AAK1: variants seen among roughly 807,000 people sequenced by gnomAD.
AAK1 encodes the protein AP2 associated kinase 1.
A neutral mutation model predicts 116.0 loss-of-function variants in AAK1; 37 were observed. That is an observed-to-expected ratio of 0.32 (90% confidence interval 0.25 to 0.42). The LOEUF is 0.42. Ranked by LOEUF, AAK1 falls within the 10% of genes least tolerant of loss-of-function variation. The pLI, the probability that AAK1 is intolerant of heterozygous loss-of-function variation, is 1.00. For missense variants in AAK1, 919 were observed against 1,170.6 expected, an observed-to-expected ratio of 0.79 and a Z score of 3.14; for synonymous variants, 458 against 439.9, an observed-to-expected ratio of 1.04 and a Z score of -0.51.
chr2:69,614,460 G>A (rs191422731), intron 2 of AAK1, among the ~76,000 whole-genome samples: 9 of 152,282 alleles, frequency 5.9e-5, no homozygotes, highest in Admixed American at 2.6e-4. Flanking sequence ...AAAGTTTCCC[G>A]AGAGTGGCAG....
chr2:69,471,829 AG>A lies in AAK1; in HGVS notation c.*4039del. 1 of 985,468 alleles carries A rather than the reference AG, an allele frequency of 1.0e-6. No individual in the cohort carries two copies. The highest frequency in any genetic ancestry group is 1.2e-6 in the Non-Finnish European group (1 of 829,932). 61.0% of individuals were successfully genotyped at this position (985,468 alleles called of 1,614,324 possible). On this transcript the variant is annotated 3_prime_UTR_variant, in exon 22 of 22. Coordinates refer to ENST00000409085, the MANE Select transcript of AAK1 (RefSeq NM_014911.5). The stretch of plus-strand genomic sequence containing the variant: ...GGCAGAACTGTTCCTAACCTGGGGA[AG>A]GTTATATTGGTTGATCAATTATCTG...
Position 69,474,929 on chromosome 2 carries a change from A to T in AAK1, c.*940T>A, listed in dbSNP as rs1362796077. ...GATTCAAAATAAAAATCACAAGAAA[A>T]ATACATCTGTTTCTGCTACAATTCC... On this transcript the variant is annotated 3_prime_UTR_variant, in exon 22 of 22. Coordinates refer to ENST00000409085, the MANE Select transcript of AAK1 (RefSeq NM_014911.5). 1.0e-5 allele frequency: 10 copies of T among 985,290 alleles called. No individual in the cohort carries two copies. Among genetic ancestry groups the T allele is most frequent in the Non-Finnish European group, 1.2e-5 (10 of 829,896 alleles). 61.0% of individuals were successfully genotyped at this position (985,290 alleles called of 1,614,324 possible). A position where few individuals can be genotyped will look rare whatever the true frequency, so the allele number is the denominator to read the frequency against.
chr2:69,580,864 T>C (rs1448051775), intron 2 of AAK1, among the ~76,000 whole-genome samples: 1 of 152,196 alleles, frequency 6.6e-6, no homozygotes, highest in Non-Finnish European at 1.5e-5. Context: ...TGTGTGCTTT[T>C]TCTATATTCA....
At chr2:69,638,761 A>G (rs933828337) in intron 2 of AAK1, among the ~76,000 whole-genome samples, 2 of 152,270 alleles carry the variant, frequency 1.3e-5, no homozygotes, top group African/African-American at 4.8e-5. Flanking sequence ...ATTCCTGTTC[A>G]AACTTCATGT....
chr2:69,502,133 T>C (rs1021393994), intron 16 of AAK1, among the ~76,000 whole-genome samples: 3 of 152,164 alleles, frequency 2.0e-5, no homozygotes, highest in South Asian at 2.1e-4. Flanking sequence ...CACAAATACA[T>C]ACAATTAAAA....
At chr2:69,535,576 G>A (rs939076049) in intron 5 of AAK1, among the ~76,000 whole-genome samples, 2 of 152,112 alleles carry the variant, frequency 1.3e-5, no homozygotes, top group Non-Finnish European at 2.9e-5. Flanking sequence ...GAAGACGAAT[G>A]TTATTTTAAA....
Position 69,469,543 on chromosome 2 carries a change from A to T in AAK1, c.*6326T>A. The T allele has an allele frequency of 1.0e-6, 1 of 985,420 alleles. No homozygotes were observed. The highest frequency in any genetic ancestry group is 1.2e-6 in the Non-Finnish European group (1 of 829,936). The allele number at this position is 985,420 out of a possible 1,614,324, so 61.0% of individuals were successfully genotyped here. A position where few individuals can be genotyped will look rare whatever the true frequency, so the allele number is the denominator to read the frequency against. On this transcript the variant is annotated 3_prime_UTR_variant, in exon 22 of 22. Transcript: ENST00000409085. ...GAAGGATTTATACTAACCTAACCAC[A>T]TGCCTTGACCCAGTTCCTTTGGTAA...
chr2:69,615,655 G>A (rs1674293466), intron 2 of AAK1, among the ~76,000 whole-genome samples: 1 of 152,204 alleles, frequency 6.6e-6, no homozygotes, highest in Non-Finnish European at 1.5e-5. Context: ...GAAAGAAAGT[G>A]GAAAGCAAGA....
rs55712143 is a variant in AAK1 at position 69,514,624 on chromosome 2, T to C, written c.1623A>G (p.Gln541=). The part of the protein sequence containing the change: ...FYQQQQQQQQ[Q]QQQQQLATAL... ...CTGTGGCCAGCTGTTGCTGTTGCTG[T>C]TGTTGTTGCTGCTGCTGCTGCTGCT... Residue 541 remains glutamine, a synonymous_variant, in exon 13 of 22, where the codon CAA becomes CAG. Transcript: ENST00000409085. The C allele has an allele frequency of 3.4e-6, 2 of 581,106 alleles. No homozygotes were observed. The highest frequency in any genetic ancestry group is 1.3e-4 in the Admixed American group (2 of 15,512). The allele number at this position is 581,106 out of a possible 1,614,324, so 36.0% of individuals were successfully genotyped here.
intron 2 of AAK1, among the ~76,000 whole-genome samples, chr2:69,580,775 C>G (rs770466077): frequency 2.6e-5 from 4 of 152,182 alleles, no homozygotes; most frequent in Non-Finnish European, 5.9e-5. Flanking sequence ...GATCTCAGCT[C>G]TCCTATCTAT....
chr2:69,497,295 CTTTTTTTTTT>C (rs1176401016), intron 16 of AAK1, among the ~76,000 whole-genome samples: 8 of 76,086 alleles, frequency 1.1e-4, no homozygotes, highest in Middle Eastern at 0.014. Context: ...CATTATCATT[CTTTTTTTTTT>C]TTTTTTTTTT....
intron 5 of AAK1, among the ~76,000 whole-genome samples, chr2:69,542,020 G>A (rs368692831): frequency 1.5e-4 from 23 of 152,292 alleles, no homozygotes; most frequent in African/African-American, 5.3e-4. Context: ...TACATGGCAC[G>A]TAATTGGTGC....
In AAK1 at chr2:69,476,908, A is replaced by G. The variant is rs1409219639; in HGVS notation, c.2763T>C (p.Ile921=). The G allele has an allele frequency of 1.2e-6, 2 of 1,613,532 alleles. No individual in the cohort carries two copies. The highest frequency in any genetic ancestry group is 8.5e-7 in the Non-Finnish European group (1 of 1,179,776). The part of the protein sequence containing the change: ...DKVAEDEFDP[I]PVLITKNPQG... ...GTGGGTTTTTGGTTATCAATACAGG[A>G]ATAGGGTCAAACTCATCTTCAGCCA... Residue 921 remains isoleucine, a synonymous_variant, in exon 21 of 22, where the codon ATT becomes ATC. Coordinates refer to ENST00000409085, the MANE Select transcript of AAK1 (RefSeq NM_014911.5).
intron 2 of AAK1, among the ~76,000 whole-genome samples, chr2:69,609,637 C>T (rs1235209466): frequency 6.6e-6 from 1 of 152,122 alleles, no homozygotes; most frequent in Non-Finnish European, 1.5e-5. Flanking sequence ...GCACCCCAGC[C>T]TGGGTGACAC....
Position 69,548,691 on chromosome 2 carries a change from G to A in AAK1, c.283-4147C>T, listed in dbSNP as rs541828653. ...ACAATCTTGGCTCACTGCAAGCTCT[G>A]CCTCCTGGGTTCAAGTGATTCTCCT... On this transcript the variant is annotated intron_variant, in intron 3 of 21. Coordinates refer to ENST00000409085, the MANE Select transcript of AAK1 (RefSeq NM_014911.5). Among the ~76,000 whole-genome samples, 31 of 151,766 alleles carry A rather than the reference G, an allele frequency of 2.0e-4. No homozygotes were observed. In the East Asian group the frequency reaches 4.5e-3, roughly 22 times the overall value.
chr2:69,619,630 A>C (rs1394281321), intron 2 of AAK1, among the ~76,000 whole-genome samples: 3 of 151,972 alleles, frequency 2.0e-5, no homozygotes, highest in Non-Finnish European at 4.4e-5. Flanking sequence ...AGAGGGAGGG[A>C]GTGCTGCCGG....
At chr2:69,549,266 G>A (rs1301671816) in intron 3 of AAK1, among the ~76,000 whole-genome samples, 1 of 151,762 alleles carries the variant, frequency 6.6e-6, no homozygotes, top group Non-Finnish European at 1.5e-5. Context: ...CTACTCGGGA[G>A]GCCGAGACAG....
At position 69,507,718 on chromosome 2, in the gene AAK1, T is replaced by C. The variant is rs1463036384; in HGVS notation, c.2007-140A>G. 6 of 938,158 alleles carry C rather than the reference T, an allele frequency of 6.4e-6. 1 individual carries two copies. The highest frequency in any genetic ancestry group is 9.1e-6 in the Non-Finnish European group (6 of 656,464). The allele number at this position is 938,158 out of a possible 1,614,324, so 58.1% of individuals were successfully genotyped here. A position where few individuals can be genotyped will look rare whatever the true frequency, so the allele number is the denominator to read the frequency against. Reference sequence around the variant, plus strand: ...TTTTCCACCACAGTATTTTTTTTTTTTTTTTTGAGTCAGAGTTTTGCTCTT... The same window carrying C: ...TTTTCCACCACAGTATTTTTTTTTTCTTTTTTGAGTCAGAGTTTTGCTCTT... On this transcript the variant is annotated intron_variant, in intron 14 of 21. Transcript: ENST00000409085.
At chr2:69,606,716 C>T (rs769675014) in intron 2 of AAK1, among the ~76,000 whole-genome samples, 2 of 152,158 alleles carry the variant, frequency 1.3e-5, no homozygotes, top group Non-Finnish European at 1.5e-5. Context: ...TATCTGCCCT[C>T]ATGGAGCTTG....
Sources: gnomAD v4.1 joint callset for allele counts (sites outside exome capture counted in the v4.1 genomes callset) on GRCh38, gnomAD v4.1.1 for gene constraint, MANE v1.5 for transcripts, NCBI Gene and HGNC (gene_info 2026-07-23, HGNC 2026-07-21) for gene names.